AKAP13: variants seen among roughly 807,000 people sequenced by gnomAD.
AKAP13 encodes the protein A-kinase anchor protein 13.
A neutral mutation model predicts 264.5 loss-of-function variants in AKAP13; 80 were observed. The observed-to-expected ratio is 0.30, with a 90% CI of 0.25 to 0.36. The LOEUF (loss-of-function observed/expected upper bound fraction) is 0.36, where lower values mean the gene tolerates loss of function less well. Ranked by LOEUF, AKAP13 falls within the 10% of genes least tolerant of loss-of-function variation. The pLI is 1.00. For synonymous variants in AKAP13, 1,380 were observed against 1,250.2 expected (o/e 1.10, Z -2.19); for missense variants, 3,712 against 3,435.2 (o/e 1.08, Z -2.01).
rs755771778 is a variant in AKAP13, at chr15:85,735,006, G to A, written c.7297G>A (p.Gly2433Ser). 1.9e-6 allele frequency: 3 copies of A among 1,614,038 alleles called. No individual in the cohort carries two copies. In the South Asian group the frequency reaches 3.3e-5, roughly 18 times the overall value. Residue 2433 changes from glycine (G) to serine (S), a missense_variant, in exon 31 of 37, where the codon GGT becomes AGT. By Grantham distance (56) the Gly-to-Ser change is moderately conservative. Around this residue, in one of 3 missense-constraint regions of AKAP13, gnomAD observed 611 missense variants for 539.3 expected, o/e 1.13. Transcript: ENST00000394518. ...SAINEVEILQGLVSGNLGGTL... is the reference protein window; with the variant it reads ...SAINEVEILQSLVSGNLGGTL... ...CTTTATTCCAGTGGAGATCCTTCAG[G>A]GTTTGGTGAGTGGAAATCTGGGAGG...
At chr15:85,644,299 T>A (rs1315565481) in intron 9 of AKAP13, among the ~76,000 whole-genome samples, 1 of 151,690 alleles carries the variant, frequency 6.6e-6, no homozygotes, top group Non-Finnish European at 1.5e-5. Context: ...TGGCGTGATC[T>A]TGGCTCACTG....
chr15:85,618,772 G>A (rs958627521), intron 8 of AKAP13, among the ~76,000 whole-genome samples: 1 of 152,108 alleles, frequency 6.6e-6, no homozygotes, highest in African/African-American at 2.4e-5. Context: ...AACATACACA[G>A]AACTCCTTTG....
intron 9 of AKAP13, among the ~76,000 whole-genome samples, chr15:85,644,897 C>G (rs1426818668): frequency 6.6e-6 from 1 of 152,072 alleles, no homozygotes; most frequent in Non-Finnish European, 1.5e-5. Context: ...CGTGTTGGTA[C>G]CCAGTCACAT....
chr15:85,733,751 T>C lies in AKAP13; in HGVS notation c.7283-1241T>C, dbSNP rs868802336. ...AATTTGCTCTTATATTCTAGTTTAG[T>C]TTTGATTTCTATAATGATTGTTTTT... On this transcript the variant is annotated intron_variant, in intron 30 of 36. Transcript: ENST00000394518. 4.6e-5 allele frequency among the ~76,000 whole-genome samples: 7 copies of C among 152,170 alleles called. No individual in the cohort carries two copies. In the South Asian group the frequency reaches 6.2e-4, roughly 14 times the overall value.
At chr15:85,483,374 C>T (rs896276743) in intron 1 of AKAP13, among the ~76,000 whole-genome samples, 2 of 152,204 alleles carry the variant, frequency 1.3e-5, no homozygotes, top group Non-Finnish European at 2.9e-5. Flanking sequence ...CGCCTGTAAT[C>T]CCAGCACTTT....
chr15:85,510,676 C>G (rs2076387810), intron 2 of AKAP13, among the ~76,000 whole-genome samples: 1 of 152,112 alleles, frequency 6.6e-6, no homozygotes, highest in Non-Finnish European at 1.5e-5. Context: ...TATATCTTGT[C>G]AAGATTGTAT....
intron 10 of AKAP13, among the ~76,000 whole-genome samples, chr15:85,646,725 T>C (rs1199660848): frequency 1.3e-5 from 2 of 152,218 alleles, no homozygotes; most frequent in Non-Finnish European, 2.9e-5. Flanking sequence ...GCCTGCCTAA[T>C]TGGAACTTTC....
intron 1 of AKAP13, among the ~76,000 whole-genome samples, chr15:85,383,922 A>G (rs532372734): frequency 1.3e-4 from 20 of 152,330 alleles, no homozygotes; most frequent in African/African-American, 4.8e-4. Flanking sequence ...ACATGAGCAA[A>G]TCACTCACTT....
intron 6 of AKAP13, among the ~76,000 whole-genome samples, 172 bp downstream of exon 6, chr15:85,575,501 G>C (rs574765581): frequency 1.3e-5 from 2 of 152,144 alleles, no homozygotes; most frequent in South Asian, 4.1e-4. Flanking sequence ...AGACCATCCT[G>C]GCTAACACGG....
chr15:85,502,080 C>A (rs1343303039), intron 2 of AKAP13, among the ~76,000 whole-genome samples: 1 of 152,116 alleles, frequency 6.6e-6, no homozygotes, highest in Admixed American at 6.6e-5. Context: ...CTGGGCCACA[C>A]CCCAGAGTTT....
intron 3 of AKAP13, among the ~76,000 whole-genome samples, chr15:85,528,697 A>G (rs1041807005): frequency 1.3e-5 from 2 of 152,128 alleles, no homozygotes; most frequent in African/African-American, 2.4e-5. Flanking sequence ...GGATCCCTAC[A>G]GTTTACTCAG....
At chr15:85,729,532 C>T (rs2087838410) in intron 29 of AKAP13, among the ~76,000 whole-genome samples, 1 of 152,122 alleles carries the variant, frequency 6.6e-6, no homozygotes, top group Non-Finnish European at 1.5e-5. Context: ...CCATGGTCTG[C>T]TGCTAAGAAA....
chr15:85,738,693 C>T (rs938726076), intron 33 of AKAP13, among the ~76,000 whole-genome samples: 3 of 151,370 alleles, frequency 2.0e-5, no homozygotes, highest in Non-Finnish European at 4.4e-5. Context: ...AAAAAATTAG[C>T]CGGGCGCGGT....
Position 85,741,093 on chromosome 15 carries a change from G to T in AKAP13, c.7656G>T (p.Val2552=). ...GCTACATTGAGGACCAGAAACTGGT[G>T]CTGAGCGAGAGGGCGCTCACTCGCA... The part of the protein sequence containing the change: ...QDSYIEDQKL[V]LSERALTRSL... The change falls in exon 35 of 37, where the codon GTG becomes GTT. Residue 2552 remains valine (V), a synonymous_variant. Coordinates refer to ENST00000394518, the MANE Select transcript of AKAP13 (RefSeq NM_007200.5). The T allele has an allele frequency of 6.2e-7, 1 of 1,613,542 alleles. No individual in the cohort carries two copies. Among genetic ancestry groups the T allele is most frequent in the Non-Finnish European group, 8.5e-7 (1 of 1,179,820 alleles).
Position 85,718,200 on chromosome 15 carries a change from T to A in AKAP13, c.6001+41T>A. On this transcript the variant is annotated intron_variant, in intron 22 of 36. Transcript: ENST00000394518. This position sits in a 1 kb window ranked among gnomAD's most constrained non-coding sequence, Gnocchi z 4.9. ...TTGCTCTGATTATATTTGATTTCCA[T>A]TGTCCAGCATTTTTAAGCAGTAATT... The A allele has an allele frequency of 1.3e-6, 2 of 1,594,824 alleles. No individual in the cohort carries two copies. Among genetic ancestry groups the A allele is most frequent in the Non-Finnish European group, 1.7e-6 (2 of 1,166,922 alleles).
At chr15:85,444,876 G>A (rs2150965155) in intron 1 of AKAP13, among the ~76,000 whole-genome samples, 1 of 152,274 alleles carries the variant, frequency 6.6e-6, no homozygotes, top group South Asian at 2.1e-4. Flanking sequence ...TACCACAAAA[G>A]GAGTTAACTC....
At position 85,743,578 on chromosome 15, in the gene AKAP13, A is replaced by G. The variant is rs777055796; in HGVS notation, c.8145A>G (p.Ile2715Met). The part of the protein sequence containing the change: ...EEPPSPSAPS[I>M]AKSGSLDSEL... ...CCCCCTCGCCATCTGCACCTTCCAT[A>G]GCCAAATCAGGGTCATTGGACTCAG... Residue 2715 changes from isoleucine (I) to methionine (M), a missense_variant, in exon 36 of 37, where the codon ATA becomes ATG. By Grantham distance (10) the Ile-to-Met change is conservative. Coordinates refer to ENST00000394518, the MANE Select transcript of AKAP13 (RefSeq NM_007200.5). The G allele has an allele frequency of 2.6e-5, 42 of 1,614,020 alleles. No individual in the cohort carries two copies. Among genetic ancestry groups the G allele is most frequent in the Non-Finnish European group, 3.3e-5 (39 of 1,180,038 alleles).
chr15:85,486,941 T>C (rs2151061043), intron 2 of AKAP13, among the ~76,000 whole-genome samples: 1 of 152,224 alleles, frequency 6.6e-6, no homozygotes, highest in East Asian at 1.9e-4. Context: ...GGTTTTACCA[T>C]GTTTGCCAGG....
chr15:85,520,234 T>C (rs1413975659), intron 2 of AKAP13, among the ~76,000 whole-genome samples: 1 of 151,936 alleles, frequency 6.6e-6, no homozygotes, highest in Non-Finnish European at 1.5e-5. Flanking sequence ...GGTGGCTTAC[T>C]CCTGTAATCC....
Sources: allele counts gnomAD v4.1 joint callset (sites outside exome capture counted in the v4.1 genomes callset), GRCh38; gene constraint gnomAD v4.1.1; regional missense constraint gnomAD v4.1.1; non-coding constraint Gnocchi (gnomAD v3.1); transcripts MANE v1.5; gene names NCBI Gene and HGNC (gene_info 2026-07-23, HGNC 2026-07-21).